The following INSYN2B variants were observed in gnomAD, a reference collection of about 807,000 sequenced individuals.
The protein encoded by INSYN2B is protein INSYN2B.
In INSYN2B, 16 loss-of-function variants were observed where a neutral mutation model predicts 41.2. That is an observed-to-expected ratio of 0.39 (90% CI 0.26 to 0.59). The LOEUF (loss-of-function observed/expected upper bound fraction) is 0.59. Among genes scored for constraint, INSYN2B ranks in the 20% least tolerant of loss-of-function variants. INSYN2B has a pLI of 0.57. For missense variants in INSYN2B, 608 were observed against 646.4 expected (o/e 0.94, Z 0.64); for synonymous variants, 245 against 244.4 (o/e 1.00, Z -0.02).
chr5:169,870,428 G>A (rs1475946904), intron 3 of INSYN2B, among the ~76,000 whole-genome samples: 1 of 152,174 alleles, frequency 6.6e-6, no homozygotes, highest in African/African-American at 2.4e-5. Flanking sequence ...AACAGAGCGA[G>A]GTTCTGGATG....
At chr5:169,907,320 C>T (rs1202750961) in intron 1 of INSYN2B, among the ~76,000 whole-genome samples, 1 of 152,200 alleles carries the variant, frequency 6.6e-6, no homozygotes. Context: ...CTGCTTTCAT[C>T]TGGAGGCAGT....
In INSYN2B at chr5:169,871,431, A is replaced by G. The variant is rs757726879; in HGVS notation, c.1422-6972T>C. ...GATGGTCATTTATGGAATGAAATCTATGTGCTAGACACTATGCTACAAGTT... is the reference window on the plus strand; with the variant it reads ...GATGGTCATTTATGGAATGAAATCTGTGTGCTAGACACTATGCTACAAGTT... On this transcript the variant is annotated intron_variant, in intron 3 of 3. Transcript: ENST00000377365. Among the ~76,000 whole-genome samples the G allele has an allele frequency of 1.3e-4, 20 of 152,242 alleles. 1 individual carries two copies. Among genetic ancestry groups the G allele is most frequent in the Non-Finnish European group, 2.6e-4 (18 of 68,028 alleles).
At chr5:169,974,616 G>A (rs531946637) in intron 1 of INSYN2B, among the ~76,000 whole-genome samples, 6 of 151,998 alleles carry the variant, frequency 3.9e-5, no homozygotes, top group Non-Finnish European at 7.4e-5. Context: ...GAGTGGGAGC[G>A]GAGCTGCTTA....
At chr5:169,901,590 AC>A (rs1253610466) in intron 1 of INSYN2B, among the ~76,000 whole-genome samples, 15 of 152,230 alleles carry the variant, frequency 9.9e-5, no homozygotes, top group Admixed American at 9.2e-4. Flanking sequence ...TCCAGGTAAC[AC>A]ATGATGATGG....
chr5:169,872,856 G>A (rs1288986967), intron 3 of INSYN2B, among the ~76,000 whole-genome samples: 1 of 152,214 alleles, frequency 6.6e-6, no homozygotes, highest in African/African-American at 2.4e-5. Flanking sequence ...TTCCTCATCT[G>A]TAAAATGGGA....
chr5:169,949,116 A>G (rs1221235829), intron 1 of INSYN2B, among the ~76,000 whole-genome samples: 1 of 152,192 alleles, frequency 6.6e-6, no homozygotes, highest in Non-Finnish European at 1.5e-5. Flanking sequence ...CTGTATTCGA[A>G]TTTCCTTGGC....
intron 3 of INSYN2B, chr5:169,875,904 T>A (rs544496964): frequency 3.3e-4 from 50 of 152,392 alleles, no homozygotes; most frequent in African/African-American, 1.1e-3. Context: ...TTATGTCCCT[T>A]TGTTGAAATT....
At chr5:169,894,055 C>T (rs1773449060) in intron 1 of INSYN2B, among the ~76,000 whole-genome samples, 1 of 152,152 alleles carries the variant, frequency 6.6e-6, no homozygotes, top group African/African-American at 2.4e-5. Flanking sequence ...AAATACTAGT[C>T]GTTGTACTAA....
intron 3 of INSYN2B, among the ~76,000 whole-genome samples, chr5:169,879,300 A>G (rs1772504429): frequency 2.0e-5 from 3 of 152,042 alleles, no homozygotes; most frequent in Admixed American, 2.0e-4. Flanking sequence ...CACATCACTT[A>G]TTCATTCGTT....
chr5:169,883,707 C>G lies in INSYN2B; in HGVS notation c.192G>C (p.Val64=). ...GCCTGGTTGCTTGAGTCTTCCCCATCACAGCCGGGTCTTCTGGAGTTTGGA... is the reference window on the plus strand; with the variant it reads ...GCCTGGTTGCTTGAGTCTTCCCCATGACAGCCGGGTCTTCTGGAGTTTGGA... ...VDVQTPEDPA[V]MGKTQATRHH... The change falls in exon 2 of 4, where the codon GTG becomes GTC. Residue 64 remains valine, a synonymous_variant. Coordinates refer to ENST00000377365, the MANE Select transcript of INSYN2B (RefSeq NM_001129891.3). 1 of 1,551,388 alleles carries G rather than the reference C, an allele frequency of 6.4e-7. No homozygotes were observed. The highest frequency in any genetic ancestry group is 8.7e-7 in the Non-Finnish European group (1 of 1,146,828).
intron 1 of INSYN2B, among the ~76,000 whole-genome samples, chr5:169,908,855 C>G (rs949900503): frequency 6.6e-6 from 1 of 151,998 alleles, no homozygotes; most frequent in Non-Finnish European, 1.5e-5. Flanking sequence ...ACTGGGACTA[C>G]AGGCCCCCAC....
At chr5:169,952,077 G>A (rs188933189) in intron 1 of INSYN2B, among the ~76,000 whole-genome samples, 1 of 152,174 alleles carries the variant, frequency 6.6e-6, no homozygotes, top group South Asian at 2.1e-4. Flanking sequence ...TAAGCCCCAA[G>A]GGTTTCTCCT....
intron 1 of INSYN2B, among the ~76,000 whole-genome samples, chr5:169,938,292 C>T (rs548959614): frequency 6.6e-6 from 1 of 151,552 alleles, no homozygotes; most frequent in Non-Finnish European, 1.5e-5. Context: ...AACACAGTCA[C>T]ACATCACTTA....
chr5:169,908,190 G>A (rs750121106), intron 1 of INSYN2B, among the ~76,000 whole-genome samples: 2 of 152,080 alleles, frequency 1.3e-5, no homozygotes, highest in Non-Finnish European at 2.9e-5. Context: ...CAGGCTGCAG[G>A]ACAAATGTTA....
intron 1 of INSYN2B, among the ~76,000 whole-genome samples, chr5:169,906,282 T>C (rs1261237600): frequency 6.6e-6 from 1 of 152,116 alleles, no homozygotes; most frequent in Admixed American, 6.5e-5. Flanking sequence ...AAAATGAGTA[T>C]GATCATAGTA....
intron 1 of INSYN2B, among the ~76,000 whole-genome samples, chr5:169,893,477 C>CT (rs1773413988): frequency 3.4e-5 from 3 of 87,476 alleles, no homozygotes; most frequent in African/African-American, 1.7e-4. Context: ...CATTTTCTTA[C>CT]CCTTTTTTTT....
At position 169,861,838 on chromosome 5, in the gene INSYN2B, A is replaced by G. The variant is rs1305870618; in HGVS notation, c.*2435T>C. On this transcript the variant is annotated 3_prime_UTR_variant, in exon 4 of 4. Transcript: ENST00000377365. The stretch of plus-strand genomic sequence containing the variant: ...CCAGTTTCAGGTCAGTGGCCCAAGC[A>G]ATGCGGTGTTGTGCTTTGGTGTAGA... Among the ~76,000 whole-genome samples, 1 of 152,216 alleles carries G rather than the reference A, an allele frequency of 6.6e-6. No homozygotes were observed. Among genetic ancestry groups the G allele is most frequent in the Non-Finnish European group, 1.5e-5 (1 of 68,042 alleles).
chr5:169,939,043 A>G (rs1776117836), intron 1 of INSYN2B, among the ~76,000 whole-genome samples: 2 of 151,694 alleles, frequency 1.3e-5, no homozygotes, highest in African/African-American at 2.4e-5. Context: ...AGCTGGGACT[A>G]CAGGCATGCA....
intron 1 of INSYN2B, among the ~76,000 whole-genome samples, chr5:169,925,301 C>A (rs1342654813): frequency 6.6e-6 from 1 of 152,098 alleles, no homozygotes; most frequent in South Asian, 2.1e-4. Context: ...CAGGTAAGAC[C>A]CTAGGACAGA....
Sources: gnomAD v4.1 joint callset for allele counts (sites outside exome capture counted in the v4.1 genomes callset) on GRCh38, gnomAD v4.1.1 for gene constraint, MANE v1.5 for transcripts, NCBI Gene and HGNC (gene_info 2026-07-23, HGNC 2026-07-21) for gene names.